ABHD3: variants seen among roughly 807,000 people sequenced by gnomAD.
ABHD3 encodes abhydrolase domain containing 3, phospholipase, also known as phospholipase ABHD3.
In ABHD3, 46 loss-of-function variants were observed where a neutral mutation model predicts 48.8. The observed-to-expected ratio is 0.94, with a 90% CI of 0.74 to 1.20. The LOEUF (loss-of-function observed/expected upper bound fraction) is 1.20. ABHD3 is among the 50% of genes most tolerant of loss of function. The pLI is 0.00. For synonymous variants in ABHD3, 192 were observed against 183.7 expected, an observed-to-expected ratio of 1.04 and a Z score of -0.36; for missense variants, 490 against 497.8, an observed-to-expected ratio of 0.98 and a Z score of 0.15.
intron 8 of ABHD3, among the ~76,000 whole-genome samples, chr18:21,655,918 G>A (rs919786917): frequency 6.6e-6 from 1 of 151,332 alleles, no homozygotes; most frequent in African/African-American, 2.4e-5. Context: ...ACACTTTGGG[G>A]GAACCAGGCA....
At chr18:21,692,622 T>C (rs2040277754) in intron 3 of ABHD3, among the ~76,000 whole-genome samples, 1 of 152,204 alleles carries the variant, frequency 6.6e-6, no homozygotes, top group Admixed American at 6.5e-5. Context: ...GTCAAAGGTG[T>C]CTTTAACGTG....
In ABHD3 at chr18:21,684,566, G is replaced by A. The variant is rs534359976; in HGVS notation, c.510-601C>T. Among the ~76,000 whole-genome samples, 7 of 151,878 alleles carry A rather than the reference G, an allele frequency of 4.6e-5. No individual in the cohort carries two copies. The East Asian group carries it at 9.7e-4, about 21-fold the overall frequency. On this transcript the variant is annotated intron_variant, in intron 3 of 8. Transcript: ENST00000289119. ...TTGAACTCCTGACCTCAGGTGATAC[G>A]CCCACCTCGGCCTCCCAAAGTGCTG...
At chr18:21,658,844 T>C (rs938727209) in intron 6 of ABHD3, among the ~76,000 whole-genome samples, 1 of 151,180 alleles carries the variant, frequency 6.6e-6, no homozygotes, top group Non-Finnish European at 1.5e-5. Context: ...AATAGTTTTT[T>C]TTTTTTTTTT....
intron 3 of ABHD3, among the ~76,000 whole-genome samples, chr18:21,693,279 G>A (rs952072520): frequency 1.3e-4 from 20 of 152,100 alleles, no homozygotes; most frequent in African/African-American, 3.9e-4. Flanking sequence ...CACATTACAC[G>A]CAATCCACAC....
In ABHD3 at chr18:21,664,174, A is replaced by G. The variant is rs1222248477; in HGVS notation, c.612T>C (p.His204=). ...GAGCAGAAGGGTACAGGCTGTGTAC[A>G]TGGTGAATAACTGTCTCCAAGTCTT... ...NTEDLETVIH[H]VHSLYPSAPF... The change falls in exon 5 of 9, where the codon CAT becomes CAC. Residue 204 remains histidine, a synonymous_variant. Transcript: ENST00000289119. 6.2e-7 allele frequency: 1 copy of G among 1,613,966 alleles called. No individual in the cohort carries two copies.
At chr18:21,697,759 C>T (rs548767485) in intron 3 of ABHD3, among the ~76,000 whole-genome samples, 1 of 152,304 alleles carries the variant, frequency 6.6e-6, no homozygotes, top group East Asian at 1.9e-4. Flanking sequence ...TAGTTTCCAT[C>T]CCATCCATCC....
At chr18:21,697,059 A>G (rs1331358032) in intron 3 of ABHD3, among the ~76,000 whole-genome samples, 3 of 149,254 alleles carry the variant, frequency 2.0e-5, no homozygotes, top group Non-Finnish European at 4.4e-5. Context: ...AACATTTCCC[A>G]TCTCATTCTA....
At position 21,654,724 on chromosome 18, in the gene ABHD3, A is replaced by G. The variant is rs114811610; in HGVS notation, c.1057+2137T>C. Among the ~76,000 whole-genome samples the G allele has an allele frequency of 7.3e-3, 1,107 of 152,376 alleles. 13 individuals carry two copies. The highest frequency in any genetic ancestry group is 0.025 in the African/African-American group (1,044 of 41,590). ...AAATTTCTAACAGAGAGTTACAGTC[A>G]TATCAGAAGAACAAAAGGCTGGGCC... On this transcript the variant is annotated intron_variant, in intron 8 of 8. Coordinates refer to ENST00000289119, the MANE Select transcript of ABHD3 (RefSeq NM_138340.5).
At chr18:21,703,850 G>A (rs888999902) in intron 1 of ABHD3, 103 bp from the exon 2 acceptor site, 10 of 1,306,124 alleles carry the variant, frequency 7.7e-6, no homozygotes, top group African/African-American at 5.9e-5. Context: ...CGCTTCCTCC[G>A]ATTACAACTC....
intron 4 of ABHD3, among the ~76,000 whole-genome samples, chr18:21,676,661 G>A (rs780242686): frequency 6.6e-6 from 1 of 152,216 alleles, no homozygotes; most frequent in Non-Finnish European, 1.5e-5. Context: ...AAAGTGCTGG[G>A]ATTACCCGCA....
Position 21,656,105 on chromosome 18 carries a change from G to A in ABHD3, c.1057+756C>T, listed in dbSNP as rs530084335. On this transcript the variant is annotated intron_variant, in intron 8 of 8. Coordinates refer to ENST00000289119, the MANE Select transcript of ABHD3 (RefSeq NM_138340.5). ...CGGGAGGCGGAGGTTGCAGTGAGCCGAGATCGTGCCTTTGCACTCCAGCCT... is the reference window on the plus strand; with the variant it reads ...CGGGAGGCGGAGGTTGCAGTGAGCCAAGATCGTGCCTTTGCACTCCAGCCT... Among the ~76,000 whole-genome samples, 20 of 152,254 alleles carry A rather than the reference G, an allele frequency of 1.3e-4. No individual in the cohort carries two copies. In the South Asian group the frequency reaches 2.1e-3, roughly 16 times the overall value.
Position 21,703,593 on chromosome 18 carries a change from T to C in ABHD3, c.317A>G (p.Gln106Arg). ...ACGGAAATTCACTTACTTCCTGTACTGCACCGGGGGCTTCGAAGTGATGAA... is the reference window on the plus strand; with the variant it reads ...ACGGAAATTCACTTACTTCCTGTACCGCACCGGGGGCTTCGAAGTGATGAA... The part of the protein sequence containing the change: ...RPFITSKPPV[Q>R]YRNELIKTAD... Residue 106 changes from glutamine (Q) to arginine (R), a missense_variant, in exon 2 of 9, where the codon CAG becomes CGG. Gln to Arg is a conservative substitution (Grantham distance 43). Coordinates refer to ENST00000289119, the MANE Select transcript of ABHD3 (RefSeq NM_138340.5). 1 of 1,611,478 alleles carries C rather than the reference T, an allele frequency of 6.2e-7. No homozygotes were observed. Among genetic ancestry groups the C allele is most frequent in the Non-Finnish European group, 8.5e-7 (1 of 1,177,816 alleles).
At chr18:21,659,962 C>CTTTT (rs60634505) in intron 5 of ABHD3, among the ~76,000 whole-genome samples, 9 of 73,854 alleles carry the variant, frequency 1.2e-4, no homozygotes, top group African/African-American at 1.6e-4. Context: ...TGCACCCGGC[C>CTTTT]TTTTTTTTTT....
intron 4 of ABHD3, among the ~76,000 whole-genome samples, chr18:21,664,990 G>A (rs2039588458): frequency 6.6e-6 from 1 of 151,784 alleles, no homozygotes; most frequent in African/African-American, 2.4e-5. Flanking sequence ...TGTTGCCCAG[G>A]CTGGAGTGCA....
At chr18:21,662,775 C>CTAA (rs1483914573) in intron 5 of ABHD3, among the ~76,000 whole-genome samples, 4 of 152,216 alleles carry the variant, frequency 2.6e-5, no homozygotes, top group African/African-American at 9.6e-5. Flanking sequence ...GCTGTAAAGG[C>CTAA]TAATGGTCAA....
At chr18:21,697,853 C>CAAT (rs1454616733) in intron 3 of ABHD3, among the ~76,000 whole-genome samples, 2 of 152,062 alleles carry the variant, frequency 1.3e-5, no homozygotes, top group Non-Finnish European at 2.9e-5. Context: ...TTAACATCAA[C>CAAT]AATAAACCAT....
rs368424799 is a variant in ABHD3, at chr18:21,658,714, C to T, written c.842+456G>A. 2.0e-5 allele frequency among the ~76,000 whole-genome samples: 3 copies of T among 151,880 alleles called. No homozygotes were observed. In the East Asian group the frequency reaches 5.8e-4, roughly 29 times the overall value. On this transcript the variant is annotated intron_variant, in intron 6 of 8. Transcript: ENST00000289119. Reference sequence around the variant, plus strand: ...TACATTTTTTATTTATATGCATTTACAACAAAGATAATATTTTGGTACAGT... The same window carrying T: ...TACATTTTTTATTTATATGCATTTATAACAAAGATAATATTTTGGTACAGT...
chr18:21,655,711 G>A (rs2039330838), intron 8 of ABHD3, among the ~76,000 whole-genome samples: 1 of 151,356 alleles, frequency 6.6e-6, no homozygotes, highest in Non-Finnish European at 1.5e-5. Context: ...ATGGTGGCGG[G>A]CACCTGTAAT....
At position 21,703,642 on chromosome 18, in the gene ABHD3, G is replaced by C. The variant is rs534259537; in HGVS notation, c.268C>G (p.Arg90Gly). Residue 90 changes from arginine to glycine, a missense_variant, in exon 2 of 9, where the codon CGA (arginine) becomes GGA (glycine). Arg to Gly is a moderately radical substitution (Grantham distance 125). Transcript: ENST00000289119. The stretch of plus-strand genomic sequence containing the variant: ...AAAGGTCTAAGCAGGGTCTGTCCTC[G>C]ACCCTCCCAGCACCAGACCGTCGGG... ...YYPTVWCWEG[R>G]GQTLLRPFIT... 4 of 1,614,086 alleles carry C rather than the reference G, an allele frequency of 2.5e-6. No individual in the cohort carries two copies. The highest frequency in any genetic ancestry group is 8.5e-7 in the Non-Finnish European group (1 of 1,180,024).
Sources: gnomAD v4.1 joint callset for allele counts (sites outside exome capture counted in the v4.1 genomes callset) on GRCh38, gnomAD v4.1.1 for gene constraint, MANE v1.5 for transcripts, NCBI Gene and HGNC (gene_info 2026-07-23, HGNC 2026-07-21) for gene names.